Variants in PPP1R9A observed in about 807,000 individuals in gnomAD.
PPP1R9A encodes the protein neurabin-1.
Under a neutral mutation model 141.9 loss-of-function variants are expected in PPP1R9A, and 59 were observed. That is an observed-to-expected ratio of 0.42 (90% CI 0.34 to 0.52). The LOEUF is 0.52. PPP1R9A is among the 20% of genes least tolerant of loss of function. The probability of loss-of-function intolerance (pLI) is 0.10; values close to 1 mark genes in which losing one functional copy is unlikely to be tolerated. For synonymous variants in PPP1R9A, 500 were observed against 569.7 expected (o/e 0.88, Z 1.74); for missense variants, 1,444 against 1,611.9 (o/e 0.90, Z 1.78).
intron 2 of PPP1R9A, among the ~76,000 whole-genome samples, chr7:94,990,180 A>C (rs1388772583): frequency 1.3e-5 from 2 of 152,080 alleles, no homozygotes; most frequent in Non-Finnish European, 2.9e-5. Context: ...GTAGCTAGTA[A>C]GTTATTTAAT....
chr7:95,046,956 T>C (rs1054880870), intron 2 of PPP1R9A, among the ~76,000 whole-genome samples: 4 of 152,200 alleles, frequency 2.6e-5, no homozygotes, highest in Admixed American at 2.0e-4. Flanking sequence ...CTAAGCTAAA[T>C]CTATTGCGGT....
intron 6 of PPP1R9A, 61 bp downstream of exon 6, chr7:95,198,545 C>T: frequency 2.0e-6 from 3 of 1,485,902 alleles, no homozygotes; most frequent in Admixed American, 2.3e-5. Flanking sequence ...ACTCTCTCTA[C>T]TGTATAACAG....
intron 9 of PPP1R9A, 26 bp downstream of exon 9, chr7:95,247,552 A>G (rs1489939103): frequency 1.3e-6 from 2 of 1,574,346 alleles, no homozygotes; most frequent in Non-Finnish European, 1.7e-6. Flanking sequence ...TGGTGTTTGA[A>G]TTTTACTTTT....
intron 2 of PPP1R9A, among the ~76,000 whole-genome samples, chr7:94,970,806 G>T (rs1163549700): frequency 4.6e-5 from 7 of 151,938 alleles, no homozygotes; most frequent in Non-Finnish European, 8.8e-5. Context: ...AGTAAACAGG[G>T]TTCTGTATTC....
intron 2 of PPP1R9A, among the ~76,000 whole-genome samples, chr7:94,931,097 G>A (rs1398588046): frequency 1.3e-5 from 2 of 152,150 alleles, no homozygotes; most frequent in Non-Finnish European, 2.9e-5. Context: ...GCCCTCTGAA[G>A]TACTGGGTCT....
At chr7:95,110,668 A>G (rs1820393482) in intron 2 of PPP1R9A, among the ~76,000 whole-genome samples, 1 of 152,230 alleles carries the variant, frequency 6.6e-6, no homozygotes, top group Admixed American at 6.5e-5. Context: ...TGTTTGCTGT[A>G]CAGCCCTTTA....
rs183289572 is a variant in PPP1R9A, at chr7:95,189,719, A to G, written c.1755-8630A>G. On this transcript the variant is annotated intron_variant, in intron 5 of 19. Coordinates refer to ENST00000433360, the MANE Select transcript of PPP1R9A (RefSeq NM_001166160.2). ...CCAAAGTGCTGGGATTACAGGCGTG[A>G]GCCACCGCGCCCGGCCGGGTTTGTT... Among the ~76,000 whole-genome samples the G allele has an allele frequency of 1.3e-3, 197 of 152,084 alleles. 1 individual carries two copies. The highest frequency in any genetic ancestry group is 4.3e-3 in the African/African-American group (177 of 41,512).
intron 7 of PPP1R9A, among the ~76,000 whole-genome samples, chr7:95,222,397 C>T (rs1794583944): frequency 6.6e-6 from 1 of 151,968 alleles, no homozygotes; most frequent in South Asian, 2.1e-4. Context: ...TCAGTTTCCT[C>T]AAATTAAGAT....
In PPP1R9A at chr7:95,042,549, A is replaced by G. The variant is rs115674484; in HGVS notation, c.1396-68710A>G. 5.4e-3 allele frequency among the ~76,000 whole-genome samples: 820 copies of G among 152,310 alleles called. 7 individuals are homozygous for G. The highest frequency in any genetic ancestry group is 0.018 in the African/African-American group (766 of 41,562). ...TCATTTATGATGCCTTGAAAAATAAACCATACACGTGATTCATTTATTACA... is the reference window on the plus strand; with the variant it reads ...TCATTTATGATGCCTTGAAAAATAAGCCATACACGTGATTCATTTATTACA... On this transcript the variant is annotated intron_variant, in intron 2 of 19. Transcript: ENST00000433360.
chr7:95,260,406 C>T (rs937176763), intron 12 of PPP1R9A, among the ~76,000 whole-genome samples: 2 of 152,178 alleles, frequency 1.3e-5, no homozygotes, highest in African/African-American at 4.8e-5. Context: ...AGGCCAGGCA[C>T]GGTGGCTCAT....
intron 2 of PPP1R9A, among the ~76,000 whole-genome samples, chr7:95,084,410 A>C (rs1196463185): frequency 1.3e-5 from 2 of 152,070 alleles, no homozygotes; most frequent in Non-Finnish European, 2.9e-5. Flanking sequence ...TTTATTATAA[A>C]GGATTTTGAA....
At chr7:95,237,706 G>GATT (rs540761187) in intron 8 of PPP1R9A, among the ~76,000 whole-genome samples, 15 of 151,832 alleles carry the variant, frequency 9.9e-5, no homozygotes, top group Admixed American at 7.2e-4. Flanking sequence ...ATATGTTGAG[G>GATT]ATTATTACAA....
intron 5 of PPP1R9A, among the ~76,000 whole-genome samples, chr7:95,174,434 G>A (rs2152762322): frequency 6.6e-6 from 1 of 152,202 alleles, no homozygotes; most frequent in South Asian, 2.1e-4. Context: ...TGTGATTACT[G>A]TATTTCTTAC....
chr7:95,075,362 G>A (rs1017868479), intron 2 of PPP1R9A, among the ~76,000 whole-genome samples: 11 of 152,074 alleles, frequency 7.2e-5, no homozygotes, highest in African/African-American at 2.4e-4. Context: ...GGAAAAAAAA[G>A]TCATCTTCTG....
At chr7:95,124,135 A>G (rs1203841008) in intron 4 of PPP1R9A, among the ~76,000 whole-genome samples, 1 of 152,176 alleles carries the variant, frequency 6.6e-6, no homozygotes. Context: ...TATCTTTTAA[A>G]TTATTATTTC....
chr7:95,164,627 T>C (rs1312500488), intron 5 of PPP1R9A, among the ~76,000 whole-genome samples: 1 of 151,956 alleles, frequency 6.6e-6, no homozygotes, highest in Non-Finnish European at 1.5e-5. Context: ...TTCCTGGGCA[T>C]ATCCTCTAGA....
intron 2 of PPP1R9A, among the ~76,000 whole-genome samples, chr7:94,943,965 TTACC>T (rs1262201080): frequency 6.6e-6 from 1 of 152,140 alleles, no homozygotes; most frequent in Non-Finnish European, 1.5e-5. Flanking sequence ...TGTAAAGTAC[TTACC>T]TCATGCTATC....
chr7:94,930,766 G>A (rs1202837984), intron 2 of PPP1R9A, among the ~76,000 whole-genome samples: 1 of 152,192 alleles, frequency 6.6e-6, no homozygotes, highest in Non-Finnish European at 1.5e-5. Flanking sequence ...AGGAGTTACA[G>A]AGATACAAAG....
At chr7:94,909,845 A>C (rs1791263413) in intron 1 of PPP1R9A, 53 bp from the exon 2 acceptor site, 1 of 296,646 alleles carries the variant, frequency 3.4e-6, no homozygotes, top group African/African-American at 2.1e-5. Flanking sequence ...ATTTGACTAG[A>C]CATAAATTCA....
Sources: allele counts gnomAD v4.1 joint callset (sites outside exome capture counted in the v4.1 genomes callset), GRCh38; gene constraint gnomAD v4.1.1; transcripts MANE v1.5; gene names NCBI Gene and HGNC (gene_info 2026-07-23, HGNC 2026-07-21).